DAB1: variants seen among roughly 807,000 people sequenced by gnomAD.
DAB1 encodes the protein DAB adaptor protein 1.
A neutral mutation model predicts 64.6 loss-of-function variants in DAB1; 15 were observed. The observed-to-expected ratio is 0.23, with a 90% CI of 0.16 to 0.36. The LOEUF is 0.36. Ranked by LOEUF, DAB1 falls within the 10% of genes least tolerant of loss-of-function variation. The pLI is 1.00. For synonymous variants in DAB1, 235 were observed against 251.9 expected, an observed-to-expected ratio of 0.93 and a Z score of 0.64; for missense variants, 596 against 706.7, an observed-to-expected ratio of 0.84 and a Z score of 1.78.
intron 5 of DAB1, among the ~76,000 whole-genome samples, chr1:58,116,630 C>A (rs1470946457): frequency 6.6e-6 from 1 of 152,206 alleles, no homozygotes; most frequent in East Asian, 1.9e-4. Flanking sequence ...CACTGACTGG[C>A]TCTCTGTCCC....
intron 7 of DAB1, among the ~76,000 whole-genome samples, chr1:57,562,761 G>A (rs528950846): frequency 5.3e-5 from 8 of 152,248 alleles, no homozygotes; most frequent in Non-Finnish European, 1.0e-4. Context: ...GTTCCAGAGG[G>A]AGAGATGCTG....
At chr1:57,339,403 G>T (rs1249497968) in intron 1 of DAB1, among the ~76,000 whole-genome samples, 1 of 152,168 alleles carries the variant, frequency 6.6e-6, no homozygotes, top group Non-Finnish European at 1.5e-5. Context: ...TGATCCACAC[G>T]CCTTGGCCTC....
intron 3 of DAB1, among the ~76,000 whole-genome samples, chr1:58,471,734 TAA>T (rs1331114445): frequency 6.6e-6 from 1 of 152,136 alleles, no homozygotes; most frequent in Non-Finnish European, 1.5e-5. Context: ...CTGGTTGTTT[TAA>T]AAGTGTGTAG....
At chr1:57,999,095 T>C (rs902094199) in intron 5 of DAB1, among the ~76,000 whole-genome samples, 2 of 152,224 alleles carry the variant, frequency 1.3e-5, no homozygotes, top group African/African-American at 2.4e-5. Flanking sequence ...ATCCTCGCTG[T>C]TCCTGCCAAA....
chr1:57,444,590 TG>T (rs1686068185), intron 7 of DAB1, among the ~76,000 whole-genome samples: 1 of 152,204 alleles, frequency 6.6e-6, no homozygotes, highest in Non-Finnish European at 1.5e-5. Flanking sequence ...GAGATGATCC[TG>T]GATTATATAG....
intron 4 of DAB1, among the ~76,000 whole-genome samples, chr1:57,102,838 C>T (rs900821793): frequency 6.6e-6 from 1 of 152,114 alleles, no homozygotes; most frequent in Non-Finnish European, 1.5e-5. Context: ...TTTAAAGAGG[C>T]CAGAACATAC....
chr1:57,949,107 G>A (rs372303490), intron 5 of DAB1, among the ~76,000 whole-genome samples: 1 of 152,114 alleles, frequency 6.6e-6, no homozygotes, highest in African/African-American at 2.4e-5. Context: ...CGTTAAGCCA[G>A]CGGTCCCCAA....
chr1:57,603,625 T>C (rs925543968), intron 7 of DAB1, among the ~76,000 whole-genome samples: 2 of 152,216 alleles, frequency 1.3e-5, no homozygotes, highest in African/African-American at 4.8e-5. Context: ...TGGGCAAATT[T>C]ATAGTTGTGC....
chr1:58,284,646 C>T (rs960975777), intron 4 of DAB1, among the ~76,000 whole-genome samples: 2 of 152,370 alleles, frequency 1.3e-5, no homozygotes, highest in African/African-American at 2.4e-5. Context: ...TGAGATGGAG[C>T]GTTATTCCTA....
chr1:58,008,865 ACT>A (rs1186330423), intron 5 of DAB1, among the ~76,000 whole-genome samples: 1 of 152,088 alleles, frequency 6.6e-6, no homozygotes, highest in East Asian at 1.9e-4. Context: ...CTACTCATTG[ACT>A]CAACAACCCT....
chr1:58,127,689 T>A (rs1226245562), intron 5 of DAB1, among the ~76,000 whole-genome samples: 1 of 152,190 alleles, frequency 6.6e-6, no homozygotes, highest in African/African-American at 2.4e-5. Flanking sequence ...GCTAGCCAGT[T>A]TTCCCAGCAC....
At chr1:57,835,454 T>G (rs1652767571) in intron 1 of DAB1, among the ~76,000 whole-genome samples, 1 of 152,146 alleles carries the variant, frequency 6.6e-6, no homozygotes, top group African/African-American at 2.4e-5. Flanking sequence ...TTCTAACTAT[T>G]CCCAAGCAGA....
Position 57,695,280 on chromosome 1 carries a change from GGA to G in DAB1, n.552-45617_552-45616del, listed in dbSNP as rs1557427592. ...AAGAAGGAAGGAAGGAAGGAAGGAA[GGA>G]AGAAAGGGAGAGAGAAGGAAAGAAA... On this transcript the variant is annotated intron_variant and non_coding_transcript_variant, in intron 6 of 20. Transcript: ENST00000485760. 8.3e-3 allele frequency among the ~76,000 whole-genome samples: 1,001 copies of G among 119,894 alleles called. 232 individuals are homozygous for G. The highest frequency in any genetic ancestry group is 0.025 in the African/African-American group (790 of 31,608). 78.7% of individuals were successfully genotyped at this position (119,894 alleles called of 152,430 possible). A position where few individuals can be genotyped will look rare whatever the true frequency, so the allele number is the denominator to read the frequency against.
chr1:57,466,962 G>T (rs1686972566), intron 7 of DAB1, among the ~76,000 whole-genome samples: 1 of 152,200 alleles, frequency 6.6e-6, no homozygotes, highest in Non-Finnish European at 1.5e-5. Flanking sequence ...TGTGTGATTA[G>T]ATGAGACCCA....
At chr1:57,773,380 C>T (rs550942803) in intron 6 of DAB1, among the ~76,000 whole-genome samples, 6 of 151,464 alleles carry the variant, frequency 4.0e-5, no homozygotes, top group East Asian at 3.9e-4. Context: ...CACACAGACA[C>T]GTACACACAA....
chr1:58,421,619 T>G (rs550986460), intron 3 of DAB1, among the ~76,000 whole-genome samples: 1 of 152,290 alleles, frequency 6.6e-6, no homozygotes, highest in South Asian at 2.1e-4. Context: ...AGAGCTTTCA[T>G]GCTGGGGGTT....
intron 2 of DAB1, among the ~76,000 whole-genome samples, chr1:57,263,276 A>T (rs188831522): frequency 6.6e-6 from 1 of 152,074 alleles, no homozygotes; most frequent in Admixed American, 6.5e-5. Context: ...CCACCGTGCC[A>T]GGCTAAATTT....
At chr1:58,534,210 T>C (rs147173743) in intron 1 of DAB1, 25 of 871,974 alleles carry the variant, frequency 2.9e-5, no homozygotes, top group Non-Finnish European at 4.0e-5. Context: ...AATAACCCAA[T>C]TGATCTGAGA....
chr1:58,479,042 C>G (rs1645447057), intron 3 of DAB1, among the ~76,000 whole-genome samples: 1 of 152,152 alleles, frequency 6.6e-6, no homozygotes, highest in South Asian at 2.1e-4. Context: ...AAATCTTTTT[C>G]ATATACTATA....
Sources: gnomAD v4.1 joint callset for allele counts (sites outside exome capture counted in the v4.1 genomes callset) on GRCh38, gnomAD v4.1.1 for gene constraint, MANE v1.5 for transcripts, NCBI Gene and HGNC (gene_info 2026-07-23, HGNC 2026-07-21) for gene names.